Variants in PRIMA1 observed in about 807,000 individuals in gnomAD.
PRIMA1 encodes the protein proline rich membrane anchor 1, also known as proline-rich membrane anchor 1.
A neutral mutation model predicts 17.5 loss-of-function variants in PRIMA1; 7 were observed. The observed-to-expected ratio is 0.40, with a 90% confidence interval of 0.23 to 0.75. The LOEUF (loss-of-function observed/expected upper bound fraction) is 0.75, where lower values mean the gene tolerates loss of function less well. Ranked by LOEUF, PRIMA1 falls within the 30% of genes least tolerant of loss-of-function variation. The probability of loss-of-function intolerance (pLI) is 0.37; values close to 1 mark genes in which losing one functional copy is unlikely to be tolerated. For synonymous variants in PRIMA1, 97 were observed against 77.9 expected (o/e 1.25, Z -1.29); for missense variants, 200 against 201.8 (o/e 0.99, Z 0.05).
At chr14:93,766,951 G>A (rs570053186) in intron 3 of PRIMA1, among the ~76,000 whole-genome samples, 20 of 152,308 alleles carry the variant, frequency 1.3e-4, no homozygotes, top group Non-Finnish European at 2.8e-4. Flanking sequence ...GAGACACAGC[G>A]AAAGGACTGA....
intron 4 of PRIMA1, among the ~76,000 whole-genome samples, chr14:93,727,481 C>T (rs575006767): frequency 2.6e-5 from 4 of 152,326 alleles, no homozygotes; most frequent in African/African-American, 9.6e-5. Flanking sequence ...TCTGAGATGC[C>T]AGAATGGTGC....
At chr14:93,743,461 G>A (rs1436694724) in intron 3 of PRIMA1, among the ~76,000 whole-genome samples, 1 of 152,224 alleles carries the variant, frequency 6.6e-6, no homozygotes, top group Non-Finnish European at 1.5e-5. Context: ...CTCTGCTTCC[G>A]GCTTCCTGAG....
At position 93,726,201 on chromosome 14, in the gene PRIMA1, C is replaced by T. The variant is rs1402443811; in HGVS notation, c.360-4655G>A. Reference sequence around the variant, plus strand: ...GCACATGCCAGCAGCCACGAGGGGCCCCTGCAGAAACTGTGCCTCCACCGG... The same window carrying T: ...GCACATGCCAGCAGCCACGAGGGGCTCCTGCAGAAACTGTGCCTCCACCGG... On this transcript the variant is annotated intron_variant, in intron 4 of 4. Transcript: ENST00000393140. This position sits in a 1 kb window ranked among gnomAD's most constrained non-coding sequence, Gnocchi z 4.2. 6.6e-6 allele frequency among the ~76,000 whole-genome samples: 1 copy of T among 152,114 alleles called. No homozygotes were observed. The highest frequency in any genetic ancestry group is 1.5e-5 in the Non-Finnish European group (1 of 68,012).
At chr14:93,775,344 C>G (rs1372690504) in intron 3 of PRIMA1, among the ~76,000 whole-genome samples, 2 of 152,234 alleles carry the variant, frequency 1.3e-5, no homozygotes, top group Non-Finnish European at 2.9e-5. Context: ...TTCCCGGGCC[C>G]TGGCACCATG....
rs17812124 is a variant in PRIMA1 at position 93,767,786 on chromosome 14, G to A, written c.229+11390C>T. Among the ~76,000 whole-genome samples the A allele has an allele frequency of 3.0e-3, 456 of 152,252 alleles. 2 individuals carry two copies. The highest frequency in any genetic ancestry group is 5.0e-3 in the Non-Finnish European group (343 of 68,024). On this transcript the variant is annotated intron_variant, in intron 3 of 4. Coordinates refer to ENST00000393140, the MANE Select transcript of PRIMA1 (RefSeq NM_178013.4). Reference sequence around the variant, plus strand: ...CCTCTCCATTCTGCCTGGAGACAGCGAGGAATGAGCCATCATCCCCACTAG... The same window carrying A: ...CCTCTCCATTCTGCCTGGAGACAGCAAGGAATGAGCCATCATCCCCACTAG...
At chr14:93,738,258 G>A (rs979473041) in intron 3 of PRIMA1, among the ~76,000 whole-genome samples, 5 of 152,154 alleles carry the variant, frequency 3.3e-5, no homozygotes, top group African/African-American at 1.2e-4. Context: ...TGGACCTGAA[G>A]GACTTGTGTC....
At chr14:93,769,280 G>A (rs375060929) in intron 3 of PRIMA1, among the ~76,000 whole-genome samples, 2 of 152,170 alleles carry the variant, frequency 1.3e-5, no homozygotes, top group African/African-American at 2.4e-5. Context: ...CCAGGACCTC[G>A]CATGTGTGAT....
intron 3 of PRIMA1, among the ~76,000 whole-genome samples, chr14:93,778,481 G>C (rs559574913): frequency 6.6e-6 from 1 of 152,308 alleles, no homozygotes; most frequent in South Asian, 2.1e-4. Context: ...TGTTTAATGA[G>C]GTAGATACCG....
chr14:93,787,712 G>T lies in PRIMA1; in HGVS notation c.7C>A (p.Leu3Ile). 1 of 1,543,546 alleles carries T rather than the reference G, an allele frequency of 6.5e-7. No homozygotes were observed. Among genetic ancestry groups the T allele is most frequent in the Non-Finnish European group, 8.7e-7 (1 of 1,146,550 alleles). Residue 3 changes from leucine (L) to isoleucine (I), a missense_variant, in exon 2 of 5, where the codon CTC becomes ATC. Coordinates refer to ENST00000393140, the MANE Select transcript of PRIMA1 (RefSeq NM_178013.4). ML[L>I]RDLVLRRGCC... is the part of the protein sequence containing the mutation. Reference sequence around the variant, plus strand: ...CCACGGCGCAGCACCAAGTCCCGGAGGAGCATCTCGGCCAGCGGCGCCCGC... The same window carrying T: ...CCACGGCGCAGCACCAAGTCCCGGATGAGCATCTCGGCCAGCGGCGCCCGC...
intron 4 of PRIMA1, among the ~76,000 whole-genome samples, chr14:93,731,668 T>C (rs1041028620): frequency 6.6e-6 from 1 of 152,200 alleles, no homozygotes; most frequent in Non-Finnish European, 1.5e-5. Flanking sequence ...TTTCTCTTCA[T>C]AGTCTTTAAG....
intron 3 of PRIMA1, among the ~76,000 whole-genome samples, chr14:93,772,901 AC>A (rs1885110188): frequency 6.6e-6 from 1 of 152,118 alleles, no homozygotes; most frequent in African/African-American, 2.4e-5. Flanking sequence ...TCTCATTTCT[AC>A]TGCTTGCATT....
intron 3 of PRIMA1, among the ~76,000 whole-genome samples, chr14:93,774,846 C>A (rs61980279): frequency 3.9e-5 from 6 of 152,150 alleles, no homozygotes; most frequent in African/African-American, 1.4e-4. Context: ...CTTTCAGGAA[C>A]CCTCAACTCA....
intron 4 of PRIMA1, among the ~76,000 whole-genome samples, chr14:93,730,725 C>T (rs1287904010): frequency 2.0e-5 from 3 of 152,142 alleles, no homozygotes; most frequent in African/African-American, 7.2e-5. Context: ...TCTGGGCTAT[C>T]CCAAAGCTCC....
chr14:93,742,911 T>C (rs888292114), intron 3 of PRIMA1, among the ~76,000 whole-genome samples: 1 of 152,266 alleles, frequency 6.6e-6, no homozygotes, highest in East Asian at 1.9e-4. Context: ...CATACTAATG[T>C]ATGACCCGGG....
intron 2 of PRIMA1, among the ~76,000 whole-genome samples, chr14:93,780,321 T>C (rs1209908215): frequency 6.6e-6 from 1 of 152,224 alleles, no homozygotes; most frequent in East Asian, 1.9e-4. Context: ...TTCATACCTA[T>C]CTTCACCATG....
intron 3 of PRIMA1, among the ~76,000 whole-genome samples, chr14:93,740,322 C>T (rs1018725550): frequency 1.3e-5 from 2 of 152,148 alleles, no homozygotes; most frequent in Non-Finnish European, 2.9e-5. Flanking sequence ...ACAAAAAATC[C>T]TTCCCTCCAA....
chr14:93,752,650 C>T (rs76595883), intron 3 of PRIMA1, among the ~76,000 whole-genome samples: 2,875 of 152,254 alleles, frequency 0.019, 94 homozygotes, highest in African/African-American at 0.066. Flanking sequence ...ATTTCTGTGA[C>T]GCTGGCTTGT....
chr14:93,772,160 T>C (rs1377757044), intron 3 of PRIMA1, among the ~76,000 whole-genome samples: 4 of 152,230 alleles, frequency 2.6e-5, no homozygotes, highest in Admixed American at 6.5e-5. Flanking sequence ...ATCTTAGAAC[T>C]TCCACAGTCC....
chr14:93,752,706 T>C (rs2076267774), intron 3 of PRIMA1, among the ~76,000 whole-genome samples: 1 of 151,342 alleles, frequency 6.6e-6, no homozygotes, highest in Admixed American at 6.6e-5. Context: ...GGCAGCCAGC[T>C]CCTGCCTGGA....
Sources: allele counts gnomAD v4.1 joint callset (sites outside exome capture counted in the v4.1 genomes callset), GRCh38; gene constraint gnomAD v4.1.1; non-coding constraint Gnocchi (gnomAD v3.1); transcripts MANE v1.5; gene names NCBI Gene and HGNC (gene_info 2026-07-23, HGNC 2026-07-21).